Variants in PPP6R2 observed in about 807,000 individuals in gnomAD.
PPP6R2 encodes protein phosphatase 6 regulatory subunit 2.
Under a neutral mutation model 100.2 loss-of-function variants are expected in PPP6R2, and 62 were observed. The observed-to-expected ratio is 0.62, with a 90% CI of 0.50 to 0.76. The LOEUF (loss-of-function observed/expected upper bound fraction) is 0.76. Ranked by LOEUF, PPP6R2 falls within the 30% of genes least tolerant of loss-of-function variation. The pLI, the probability that PPP6R2 is intolerant of heterozygous loss-of-function variation, is 0.00. For missense variants in PPP6R2, 1,142 were observed against 1,276.3 expected, an observed-to-expected ratio of 0.89 and a Z score of 1.60; for synonymous variants, 525 against 514.7, an observed-to-expected ratio of 1.02 and a Z score of -0.27.
At chr22:50,371,045 A>G (rs1308407400) in intron 1 of PPP6R2, among the ~76,000 whole-genome samples, 1 of 152,214 alleles carries the variant, frequency 6.6e-6, no homozygotes, top group Admixed American at 6.5e-5. Context: ...TGGGTTCAAG[A>G]GCTAAACGTC....
chr22:50,397,953 G>T (rs1019806609), intron 3 of PPP6R2, among the ~76,000 whole-genome samples: 2 of 142,124 alleles, frequency 1.4e-5, no homozygotes, highest in African/African-American at 5.4e-5. Context: ...TCTCTGAGGA[G>T]TGTGACTTGG....
At chr22:50,353,884 T>G (rs2045877981) in intron 1 of PPP6R2, among the ~76,000 whole-genome samples, 1 of 151,504 alleles carries the variant, frequency 6.6e-6, no homozygotes, top group South Asian at 2.1e-4. Context: ...TTTAATAGAT[T>G]CCCTAGAAGA....
At chr22:50,388,644 C>T (rs1006302951) in intron 2 of PPP6R2, among the ~76,000 whole-genome samples, 1 of 151,842 alleles carries the variant, frequency 6.6e-6, no homozygotes, top group Non-Finnish European at 1.5e-5. Context: ...GAGGCCGAGG[C>T]GGGCAGATCA....
At chr22:50,338,364 G>A (rs555013546), upstream of PPP6R2, among the ~76,000 whole-genome samples, 18 of 145,344 alleles carry the variant, frequency 1.2e-4, no homozygotes, top group South Asian at 3.8e-3. Context: ...TATGGTGTGT[G>A]GTGTGTGTAT....
Position 50,439,682 on chromosome 22 carries a change from T to C in PPP6R2, c.2129-19T>C. ...CCCAGGCCTGCCCACGCCTGACCACTGTGTCTCTCCCCCAGCAGGCGCCAT... is the reference window on the plus strand; with the variant it reads ...CCCAGGCCTGCCCACGCCTGACCACCGTGTCTCTCCCCCAGCAGGCGCCAT... On this transcript the variant is annotated intron_variant, in intron 19 of 23. Transcript: ENST00000612753. 6.4e-7 allele frequency: 1 copy of C among 1,556,470 alleles called. No individual in the cohort carries two copies. Among genetic ancestry groups the C allele is most frequent in the South Asian group, 1.2e-5 (1 of 84,292 alleles).
chr22:50,376,481 G>A (rs2051583386), intron 2 of PPP6R2, among the ~76,000 whole-genome samples: 1 of 152,122 alleles, frequency 6.6e-6, no homozygotes, highest in African/African-American at 2.4e-5. Context: ...GGAGTACAGT[G>A]GCGTGATCTT....
chr22:50,419,355 C>A lies in PPP6R2; in HGVS notation c.738C>A (p.Asp246Glu). 9.9e-6 allele frequency: 16 copies of A among 1,614,060 alleles called. No homozygotes were observed. Among genetic ancestry groups the A allele is most frequent in the Non-Finnish European group, 1.4e-5 (16 of 1,179,938 alleles). ...CTCTGTGTGTGTCCAGCAGGCAGGA[C>A]TGTGTGGAGCAGCTTCTGAAGAACA... is the stretch of plus-strand genomic sequence containing the variant. The part of the protein sequence containing the change: ...DPLLTALESQ[D>E]CVEQLLKNMF... Residue 246 changes from aspartate (D) to glutamate (E), a missense_variant, in exon 8 of 24, where the codon GAC becomes GAA. Transcript: ENST00000612753.
At chr22:50,419,115 C>G in intron 7 of PPP6R2, 136 bp downstream of exon 7, 1 of 806,382 alleles carries the variant, frequency 1.2e-6, no homozygotes, top group Admixed American at 2.4e-5. Context: ...GGTTCAGAGC[C>G]CATGTTAACT....
At chr22:50,373,236 CT>C (rs2050672928) in intron 2 of PPP6R2, among the ~76,000 whole-genome samples, 1 of 138,694 alleles carries the variant, frequency 7.2e-6, no homozygotes, top group Non-Finnish European at 1.6e-5. Context: ...AATATAATTT[CT>C]TTCTTTTTTT....
At chr22:50,336,974 C>A in the PPP6R2 span, among the ~76,000 whole-genome samples, 2 of 152,126 alleles carry the variant, frequency 1.3e-5, no homozygotes, top group African/African-American at 4.8e-5. Flanking sequence ...AATTAATCCC[C>A]TCTTGTTGAT....
At position 50,440,064 on chromosome 22, in the gene PPP6R2, T is replaced by G; in HGVS notation, c.2374+15T>G. 2.5e-6 allele frequency: 4 copies of G among 1,603,424 alleles called. No homozygotes were observed. Among genetic ancestry groups the G allele is most frequent in the Non-Finnish European group, 3.4e-6 (4 of 1,172,626 alleles). On this transcript the variant is annotated intron_variant, in intron 21 of 23. Transcript: ENST00000612753. Reference sequence around the variant, plus strand: ...TGAGAAAGCCTGTGAGTAGGAGCAGTGCAGGCGGCACCCAGCCTTGCCCAG... The same window carrying G: ...TGAGAAAGCCTGTGAGTAGGAGCAGGGCAGGCGGCACCCAGCCTTGCCCAG...
chr22:50,418,729 C>T (rs2060892857), intron 6 of PPP6R2, 138 bp from the exon 7 acceptor site: 1 of 681,216 alleles, frequency 1.5e-6, no homozygotes, highest in Admixed American at 2.4e-5. Context: ...ATTTGAACAT[C>T]ACAGTGGTAT....
At chr22:50,399,720 CT>C (rs2057713473) in intron 3 of PPP6R2, among the ~76,000 whole-genome samples, 1 of 152,276 alleles carries the variant, frequency 6.6e-6, no homozygotes, top group African/African-American at 2.4e-5. Flanking sequence ...CACGCTGCCT[CT>C]TCCTAAGGCC....
At chr22:50,369,925 T>C (rs1254909802) in intron 1 of PPP6R2, among the ~76,000 whole-genome samples, 1 of 150,694 alleles carries the variant, frequency 6.6e-6, no homozygotes, top group African/African-American at 2.4e-5. Context: ...TTTTTTTTTT[T>C]TTAAGTAGAG....
chr22:50,440,901 T>G lies in PPP6R2; in HGVS notation c.2454T>G (p.Ser818=). 2 of 1,613,774 alleles carry G rather than the reference T, an allele frequency of 1.2e-6. No individual in the cohort carries two copies. The highest frequency in any genetic ancestry group is 1.7e-6 in the Non-Finnish European group (2 of 1,179,974). Reference sequence around the variant, plus strand: ...TGCTGGCCTCTGACAGTAGCTCCTCTGGGGGCTCCCACAGCGAGGATGGCG... The same window carrying G: ...TGCTGGCCTCTGACAGTAGCTCCTCGGGGGGCTCCCACAGCGAGGATGGCG... The part of the protein sequence containing the change: ...APLLASDSSS[S]GGSHSEDGDQ... Residue 818 remains serine, a synonymous_variant, in exon 22 of 24, where the codon TCT becomes TCG. Coordinates refer to ENST00000612753, the MANE Select transcript of PPP6R2 (RefSeq NM_001242898.2).
intron 2 of PPP6R2, among the ~76,000 whole-genome samples, chr22:50,387,392 T>C (rs1257785992): frequency 6.6e-6 from 1 of 152,214 alleles, no homozygotes; most frequent in Non-Finnish European, 1.5e-5. Flanking sequence ...GGATTTTTAC[T>C]TAACTTGTTT....
intron 22 of PPP6R2, 122 bp downstream of exon 22, chr22:50,441,148 C>T: frequency 1.1e-6 from 1 of 893,048 alleles, no homozygotes; most frequent in Non-Finnish European, 1.7e-6. Flanking sequence ...CTCCACACTG[C>T]CTCCCCCATG....
intron 8 of PPP6R2, 23 bp from the exon 9 acceptor site, chr22:50,422,231 C>T: frequency 6.2e-7 from 1 of 1,610,496 alleles, no homozygotes; most frequent in South Asian, 1.1e-5. Context: ...TCCCCGGTCT[C>T]CATCTGCTTT....
intron 1 of PPP6R2, among the ~76,000 whole-genome samples, chr22:50,359,983 A>G (rs1239168461): frequency 1.3e-5 from 2 of 149,186 alleles, no homozygotes; most frequent in African/African-American, 4.9e-5. Flanking sequence ...CTTTATTTAT[A>G]TTTTTGTTTT....
Sources: allele counts gnomAD v4.1 joint callset (sites outside exome capture counted in the v4.1 genomes callset), GRCh38; gene constraint gnomAD v4.1.1; transcripts MANE v1.5; gene names NCBI Gene and HGNC (gene_info 2026-07-23, HGNC 2026-07-21).